NAV2: variants seen among roughly 807,000 people sequenced by gnomAD.
The protein encoded by NAV2 is helicase, APC down-regulated 1.
In NAV2, 54 loss-of-function variants were observed where a neutral mutation model predicts 223.2. That is an observed-to-expected ratio of 0.24 (90% CI 0.19 to 0.30). The LOEUF is 0.30. Among genes scored for constraint, NAV2 ranks in the 10% least tolerant of loss-of-function variants. The probability of loss-of-function intolerance (pLI) is 1.00; values close to 1 mark genes in which losing one functional copy is unlikely to be tolerated. For synonymous variants in NAV2, 1,279 were observed against 1,239.3 expected (o/e 1.03, Z -0.67); for missense variants, 2,806 against 3,147.5 (o/e 0.89, Z 2.60).
rs533486744 is a variant in NAV2, at chr11:19,529,051, G to A, written c.75+178024G>A. Among the ~76,000 whole-genome samples the A allele has an allele frequency of 1.2e-3, 184 of 152,072 alleles. 1 individual carries two copies. Among genetic ancestry groups the A allele is most frequent in the Middle Eastern group, 6.8e-3 (2 of 294 alleles). ...TATTTTATAGAAGAAAGGGCGTTTT[G>A]GCACGTGCGTGCACACACACACACA... On this transcript the variant is annotated intron_variant, in intron 1 of 37. Coordinates refer to the NAV2 transcript ENST00000360655.
At chr11:19,584,302 G>A (rs536751673) in intron 1 of NAV2, among the ~76,000 whole-genome samples, 46 of 151,914 alleles carry the variant, frequency 3.0e-4, no homozygotes, top group Admixed American at 9.2e-4. Flanking sequence ...GCGGTCTATC[G>A]ATTTTATTGA....
Position 20,092,249 on chromosome 11 carries a change from C to T in NAV2, c.5696C>T (p.Ser1899Leu). The change falls in exon 28 of 38, where the codon TCA becomes TTA. Residue 1899 changes from serine to leucine, a missense_variant. Around this residue, in one of 4 missense-constraint regions of NAV2, gnomAD observed 824 missense variants for 1,069.4 expected, o/e 0.77. Transcript: ENST00000349880. ...KLKAENDRLK[S>L]ESQGSGCSRA... ...AAAGCTGAGAATGATCGGCTGAAGT[C>T]AGAGTCTCAAGGCAGTGGCTGCAGC... is the stretch of plus-strand genomic sequence containing the variant. The T allele has an allele frequency of 6.2e-7, 1 of 1,614,202 alleles. No individual in the cohort carries two copies. The highest frequency in any genetic ancestry group is 8.5e-7 in the Non-Finnish European group (1 of 1,180,032).
At chr11:19,423,781 G>A (rs1444297382) in intron 1 of NAV2, among the ~76,000 whole-genome samples, 1 of 152,186 alleles carries the variant, frequency 6.6e-6, no homozygotes, top group Non-Finnish European at 1.5e-5. Context: ...TCTTCTCACT[G>A]AGTCACCCAT....
intron 1 of NAV2, among the ~76,000 whole-genome samples, chr11:19,627,424 G>A (rs1359722170): frequency 1.3e-5 from 2 of 152,056 alleles, no homozygotes; most frequent in African/African-American, 4.8e-5. Flanking sequence ...TGTTGGGCTG[G>A]ACCAAGGGGT....
chr11:19,863,216 C>A (rs1371647429), intron 3 of NAV2, among the ~76,000 whole-genome samples: 1 of 152,190 alleles, frequency 6.6e-6, no homozygotes. Context: ...AATGAAGAGA[C>A]CCTTGCTTTC....
chr11:19,598,165 TGTGCCGTCTCTTCTGCAAGGGCA>T (rs975442429), intron 1 of NAV2, among the ~76,000 whole-genome samples: 1 of 150,326 alleles, frequency 6.7e-6, no homozygotes, highest in Non-Finnish European at 1.5e-5. Flanking sequence ...GGGGAGGGAG[TGTGCCGTCTCTTCTGCAAGGGCA>T]GTGCCCCAGC....
intron 1 of NAV2, among the ~76,000 whole-genome samples, chr11:19,611,239 C>T (rs2046634263): frequency 1.3e-5 from 2 of 152,168 alleles, no homozygotes; most frequent in South Asian, 4.1e-4. Flanking sequence ...CCCCCTGGGT[C>T]CCTCCCACAA....
At chr11:19,648,192 A>C (rs1212032118) in intron 1 of NAV2, among the ~76,000 whole-genome samples, 3 of 152,236 alleles carry the variant, frequency 2.0e-5, no homozygotes, top group African/African-American at 7.2e-5. Flanking sequence ...CGAAGGTAAT[A>C]AATACTCAAA....
intron 18 of NAV2, 69 bp downstream of exon 18, chr11:20,054,309 C>T (rs2058223583): frequency 1.4e-6 from 2 of 1,408,572 alleles, no homozygotes; most frequent in Non-Finnish European, 1.9e-6. Context: ...ATATACATAA[C>T]ATATTTTTAT....
chr11:19,934,529 G>A (rs919856057), intron 7 of NAV2, among the ~76,000 whole-genome samples: 9 of 152,270 alleles, frequency 5.9e-5, no homozygotes, highest in Admixed American at 3.3e-4. Context: ...ATCCCAGGAT[G>A]CATAGGAAAG....
intron 1 of NAV2, among the ~76,000 whole-genome samples, chr11:19,473,084 TCAGACCCATA>T (rs973930526): frequency 2.2e-4 from 33 of 152,318 alleles, no homozygotes; most frequent in African/African-American, 7.5e-4. Flanking sequence ...GAGCTCTGCC[TCAGACCCATA>T]CAGCTTCTTT....
At chr11:19,462,561 T>C (rs1003709075) in intron 1 of NAV2, among the ~76,000 whole-genome samples, 1 of 152,258 alleles carries the variant, frequency 6.6e-6, no homozygotes, top group Admixed American at 6.5e-5. Context: ...CTATGTTTCA[T>C]GTATGCTTTT....
intron 3 of NAV2, among the ~76,000 whole-genome samples, chr11:19,868,420 G>T (rs2062235475): frequency 6.6e-6 from 1 of 152,170 alleles, no homozygotes; most frequent in South Asian, 2.1e-4. Flanking sequence ...GGACAGAGGG[G>T]TTCAGGAGGT....
At chr11:19,879,563 C>T (rs2063067383) in intron 4 of NAV2, among the ~76,000 whole-genome samples, 2 of 152,190 alleles carry the variant, frequency 1.3e-5, no homozygotes, top group Non-Finnish European at 2.9e-5. Context: ...CATCCCCTGC[C>T]TGTAGAACAA....
intron 1 of NAV2, among the ~76,000 whole-genome samples, chr11:19,591,633 G>T (rs937283897): frequency 7.9e-5 from 12 of 152,226 alleles, no homozygotes; most frequent in Non-Finnish European, 1.6e-4. Context: ...ATCAATTAGT[G>T]TAAGTGTGAT....
At chr11:19,545,055 A>AT (rs1344263522) in intron 1 of NAV2, among the ~76,000 whole-genome samples, 2 of 152,170 alleles carry the variant, frequency 1.3e-5, no homozygotes, top group Non-Finnish European at 2.9e-5. Context: ...ATTGGAGTTG[A>AT]GCAGTTGCCT....
chr11:19,516,193 A>T (rs888006522), intron 1 of NAV2, among the ~76,000 whole-genome samples: 3 of 152,172 alleles, frequency 2.0e-5, no homozygotes, highest in African/African-American at 7.2e-5. Context: ...GAGCTGCAGA[A>T]CTCAGAACAG....
At chr11:19,897,886 T>TTA (rs10524489) in intron 6 of NAV2, among the ~76,000 whole-genome samples, 21,555 of 120,420 alleles carry the variant, frequency 0.18, 3,239 homozygotes, top group East Asian at 0.26. Flanking sequence ...GACCTGTGAT[T>TTA]TATATATATA....
intron 1 of NAV2, among the ~76,000 whole-genome samples, chr11:19,748,871 T>A (rs1401505316): frequency 6.6e-6 from 1 of 152,176 alleles, no homozygotes; most frequent in African/African-American, 2.4e-5. Context: ...AAGGTAAAGA[T>A]GTGAGTGACC....
Sources: allele counts gnomAD v4.1 joint callset (sites outside exome capture counted in the v4.1 genomes callset), GRCh38; gene constraint gnomAD v4.1.1; regional missense constraint gnomAD v4.1.1; transcripts MANE v1.5; gene names NCBI Gene and HGNC (gene_info 2026-07-23, HGNC 2026-07-21).